PUS10: variants seen among roughly 807,000 people sequenced by gnomAD.
PUS10 encodes pseudouridine synthase 10.
PUS10 carries 59 observed loss-of-function variants against 75.0 expected under a neutral mutation model. The observed-to-expected ratio is 0.79, with a 90% CI of 0.64 to 0.98. The LOEUF is 0.98. PUS10 is among the 50% of genes least tolerant of loss of function. The probability of loss-of-function intolerance (pLI) is 0.00; values close to 1 mark genes in which losing one functional copy is unlikely to be tolerated. For missense variants in PUS10, 650 were observed against 614.4 expected, an observed-to-expected ratio of 1.06 and a Z score of -0.61; for synonymous variants, 219 against 211.6, an observed-to-expected ratio of 1.03 and a Z score of -0.30.
chr2:60,983,690 A>G (rs181516683), intron 4 of PUS10, among the ~76,000 whole-genome samples: 287 of 152,212 alleles, frequency 1.9e-3, no homozygotes, highest in Non-Finnish European at 3.2e-3. Context: ...AAAAAAAAAA[A>G]TTAGATAAAG....
At chr2:60,998,419 C>T (rs1242374915) in intron 4 of PUS10, among the ~76,000 whole-genome samples, 2 of 152,126 alleles carry the variant, frequency 1.3e-5, no homozygotes, top group Non-Finnish European at 2.9e-5. Flanking sequence ...AGGTTGGGTG[C>T]AGTGGTTCAT....
At chr2:60,998,240 A>G (rs1190174095) in intron 4 of PUS10, among the ~76,000 whole-genome samples, 1 of 152,212 alleles carries the variant, frequency 6.6e-6, no homozygotes, top group Non-Finnish European at 1.5e-5. Flanking sequence ...GGCCTCTGTA[A>G]ACACATACAA....
intron 4 of PUS10, 37 bp downstream of exon 4, chr2:61,006,520 A>G: frequency 7.2e-7 from 1 of 1,390,402 alleles, no homozygotes; most frequent in Non-Finnish European, 1.0e-6. Context: ...CCTAGCATGC[A>G]CTTCACATAC....
At position 61,001,672 on chromosome 2, in the gene PUS10, G is replaced by A. The variant is rs567898380; in HGVS notation, c.468+4885C>T. Among the ~76,000 whole-genome samples, 3 of 152,252 alleles carry A rather than the reference G, an allele frequency of 2.0e-5. No homozygotes were observed. In the South Asian group the frequency reaches 6.2e-4, roughly 32 times the overall value. On this transcript the variant is annotated intron_variant, in intron 4 of 17. Transcript: ENST00000316752. The stretch of plus-strand genomic sequence containing the variant: ...GGCAAAAAATTTAACTGCTGAAGTC[G>A]GATGACAGGTACACAGGAGTTCATA...
At chr2:60,956,733 T>C (rs1387008571) in intron 11 of PUS10, among the ~76,000 whole-genome samples, 4 of 151,988 alleles carry the variant, frequency 2.6e-5, no homozygotes, top group Admixed American at 6.6e-5. Context: ...CCCAGCACTT[T>C]GGGAGGCTAA....
chr2:60,971,751 T>C (rs754063176), intron 4 of PUS10, among the ~76,000 whole-genome samples, 194 bp from the exon 5 acceptor site: 3 of 152,212 alleles, frequency 2.0e-5, no homozygotes, highest in Non-Finnish European at 4.4e-5. Flanking sequence ...AGATTTTATT[T>C]TGCAATGGTG....
chr2:60,982,709 C>T (rs1290695293), intron 4 of PUS10, among the ~76,000 whole-genome samples: 3 of 152,164 alleles, frequency 2.0e-5, no homozygotes, highest in East Asian at 3.9e-4. Flanking sequence ...ATTTTCAAAG[C>T]GTAAGAAAAC....
At chr2:60,992,033 A>G (rs1488544184) in intron 4 of PUS10, among the ~76,000 whole-genome samples, 1 of 147,312 alleles carries the variant, frequency 6.8e-6, no homozygotes, top group African/African-American at 2.5e-5. Flanking sequence ...TTTTTTTGAG[A>G]CAGGGTTTCG....
At position 60,965,430 on chromosome 2, in the gene PUS10, G is replaced by C; in HGVS notation, c.670C>G (p.His224Asp). The C allele has an allele frequency of 6.2e-7, 1 of 1,609,738 alleles. No individual in the cohort carries two copies. ...FAHPETVEDC[H>D]FLAAICPDCF... ...GTTTACATGGCAACTTACAGGAAGT[G>C]GCAATCCTCAACTGTTTCTGGGTGA... The change falls in exon 7 of 18, where the codon CAC becomes GAC. Residue 224 changes from histidine to aspartate, a missense_variant. Transcript: ENST00000316752.
At chr2:60,988,458 T>C (rs953328666) in intron 4 of PUS10, among the ~76,000 whole-genome samples, 10 of 151,910 alleles carry the variant, frequency 6.6e-5, no homozygotes, top group Non-Finnish European at 1.3e-4. Context: ...ATCTTACAGA[T>C]GAAAAAAAAA....
intron 4 of PUS10, among the ~76,000 whole-genome samples, chr2:60,985,044 A>C (rs996904243): frequency 6.6e-6 from 1 of 152,216 alleles, no homozygotes; most frequent in African/African-American, 2.4e-5. Flanking sequence ...AAAAGAAAAA[A>C]ATTAAATGTA....
chr2:60,965,520 AG>A (rs1315220450), intron 6 of PUS10, 36 bp from the exon 7 acceptor site: 1 of 1,431,174 alleles, frequency 7.0e-7, no homozygotes, highest in Non-Finnish European at 9.7e-7. Context: ...AATGAGCAAA[AG>A]GAAACTAACA....
At chr2:60,943,034 C>G (rs1014696972) in intron 17 of PUS10, among the ~76,000 whole-genome samples, 1 of 87,610 alleles carries the variant, frequency 1.1e-5, no homozygotes, top group African/African-American at 4.3e-5. Context: ...CTATCTATCT[C>G]AGAAAAAAAA....
intron 5 of PUS10, among the ~76,000 whole-genome samples, chr2:60,968,332 C>T (rs1028813689): frequency 2.0e-5 from 3 of 152,076 alleles, no homozygotes; most frequent in African/African-American, 7.2e-5. Context: ...ATTAAAACTC[C>T]TCTACTCTGC....
At chr2:60,948,526 C>A (rs557039482) in intron 15 of PUS10, among the ~76,000 whole-genome samples, 2 of 151,960 alleles carry the variant, frequency 1.3e-5, no homozygotes, top group South Asian at 4.1e-4. Flanking sequence ...TGCGCCCCGT[C>A]GAGTTTGCGT....
At chr2:60,962,337 C>A (rs1377918182) in intron 9 of PUS10, among the ~76,000 whole-genome samples, 2 of 152,100 alleles carry the variant, frequency 1.3e-5, no homozygotes, top group Non-Finnish European at 2.9e-5. Flanking sequence ...TTTGGGAGGC[C>A]GAGGCGGGTG....
chr2:60,972,527 T>A (rs13432030), intron 4 of PUS10, among the ~76,000 whole-genome samples: 1 of 152,142 alleles, frequency 6.6e-6, no homozygotes, highest in Non-Finnish European at 1.5e-5. Context: ...AGTAAGTGAC[T>A]GACACTGAGA....
intron 4 of PUS10, among the ~76,000 whole-genome samples, chr2:60,975,353 G>A (rs1676969230): frequency 2.0e-5 from 3 of 151,950 alleles, no homozygotes; most frequent in Admixed American, 2.0e-4. Context: ...CACCTTGTTG[G>A]CCAGGATGGT....
chr2:60,954,269 A>C, intron 12 of PUS10, 111 bp from the exon 13 acceptor site: 5 of 902,016 alleles, frequency 5.5e-6, no homozygotes, highest in Non-Finnish European at 8.9e-6. Flanking sequence ...TAGAGGACTG[A>C]AAGTTTAGTG....
Sources: gnomAD v4.1 joint callset for allele counts (sites outside exome capture counted in the v4.1 genomes callset) on GRCh38, gnomAD v4.1.1 for gene constraint, MANE v1.5 for transcripts, NCBI Gene and HGNC (gene_info 2026-07-23, HGNC 2026-07-21) for gene names.